Variants in TLN1 observed in about 807,000 individuals in gnomAD.
TLN1 encodes the protein talin 1.
A neutral mutation model predicts 292.3 loss-of-function variants in TLN1; 56 were observed. The ratio of observed to expected loss-of-function variants is 0.19; its 90% CI spans 0.15 to 0.24. The LOEUF (loss-of-function observed/expected upper bound fraction) is 0.24. Among genes scored for constraint, TLN1 ranks in the 10% least tolerant of loss-of-function variants. TLN1 has a pLI of 1.00. For synonymous variants in TLN1, 1,119 were observed against 1,253.7 expected, an observed-to-expected ratio of 0.89 and a Z score of 2.27; for missense variants, 2,433 against 3,248.2, an observed-to-expected ratio of 0.75 and a Z score of 6.10.
intron 10 of TLN1, 102 bp from the exon 11 acceptor site, chr9:35,721,015 CG>C (rs2131903819): frequency 1.3e-6 from 1 of 798,432 alleles, no homozygotes; most frequent in South Asian, 1.6e-5. Flanking sequence ...GATGCCTTCC[CG>C]TGGCAACGGC....
In TLN1 at chr9:35,724,481, G is replaced by A. The variant is rs1205345859; in HGVS notation, c.511+91C>T. The A allele has an allele frequency of 6.4e-7, 1 of 1,566,204 alleles. No individual in the cohort carries two copies. The highest frequency in any genetic ancestry group is 1.4e-5 in the African/African-American group (1 of 73,390). ...TTGTTTTCTCACTGATGTATCCCCA[G>A]GGTGTAAAACAGTGCCTGGCAGAAG... On this transcript the variant is annotated intron_variant, in intron 5 of 56. Coordinates refer to ENST00000314888, the MANE Select transcript of TLN1 (RefSeq NM_006289.4). This position sits in a 1 kb window ranked among gnomAD's most constrained non-coding sequence, Gnocchi z 4.7.
chr9:35,716,408 C>T lies in TLN1; in HGVS notation c.2607G>A (p.Lys869=). 1 of 1,614,228 alleles carries T rather than the reference C, an allele frequency of 6.2e-7. No individual in the cohort carries two copies. Among genetic ancestry groups the T allele is most frequent in the Admixed American group, 1.7e-5 (1 of 60,026 alleles). ...TTTGTACCTTGGCAGCCTCTACCAT[C>T]TTGGCTGTGGCATCAGCTAGGATCT... The part of the protein sequence containing the change: ...AAKILADATA[K]MVEAAKGAAA... Residue 869 remains lysine (K), a synonymous_variant, in exon 20 of 57, where the codon AAG becomes AAA. Transcript: ENST00000314888.
chr9:35,724,414 T>C lies in TLN1; in HGVS notation c.512-80A>G, dbSNP rs1825931701. ...GGTCTCTGTTTATTTCTGCATTTCC[T>C]ACCTCCCCTCACTTAAATGTAAGTC... On this transcript the variant is annotated intron_variant, in intron 5 of 56. Coordinates refer to ENST00000314888, the MANE Select transcript of TLN1 (RefSeq NM_006289.4). The surrounding 1 kb of genome is among the most constrained non-coding windows in gnomAD (Gnocchi z 4.7). 1 of 1,589,014 alleles carries C rather than the reference T, an allele frequency of 6.3e-7. No homozygotes were observed. Among genetic ancestry groups the C allele is most frequent in the Non-Finnish European group, 8.6e-7 (1 of 1,161,400 alleles).
chr9:35,728,392 G>A (rs777318690), intron 1 of TLN1, among the ~76,000 whole-genome samples: 1 of 152,152 alleles, frequency 6.6e-6, no homozygotes, highest in Non-Finnish European at 1.5e-5. Flanking sequence ...CGCTGGCAGT[G>A]GGGGAGGGCT....
rs768240057 is a variant in TLN1, at chr9:35,697,744, C to T, written c.*47G>A. 6.2e-7 allele frequency: 1 copy of T among 1,605,340 alleles called. No homozygotes were observed. Among genetic ancestry groups the T allele is most frequent in the South Asian group, 1.1e-5 (1 of 90,206 alleles). On this transcript the variant is annotated 3_prime_UTR_variant, in exon 57 of 57. Transcript: ENST00000314888. Reference sequence around the variant, plus strand: ...ACAGCCCAGAAGGCTTTGGTAGTGGCACGCACAGTCTCTGGGCCGGGTCTG... The same window carrying T: ...ACAGCCCAGAAGGCTTTGGTAGTGGTACGCACAGTCTCTGGGCCGGGTCTG...
In TLN1 at chr9:35,719,710, C is replaced by A. The variant is rs1312180075; in HGVS notation, c.1578+30G>T. 2 of 1,610,096 alleles carry A rather than the reference C, an allele frequency of 1.2e-6. No homozygotes were observed. The highest frequency in any genetic ancestry group is 1.7e-6 in the Non-Finnish European group (2 of 1,177,442). Reference sequence around the variant, plus strand: ...ATCCCTTGGAGTCTCAGCTTCAGTACCACCGGCCTCTCCTCCATCCCATAC... The same window carrying A: ...ATCCCTTGGAGTCTCAGCTTCAGTAACACCGGCCTCTCCTCCATCCCATAC... On this transcript the variant is annotated intron_variant, in intron 14 of 56. Transcript: ENST00000314888. The surrounding 1 kb of genome is among the most constrained non-coding windows in gnomAD (Gnocchi z 4.6).
chr9:35,710,265 A>C (rs934214269), intron 33 of TLN1, among the ~76,000 whole-genome samples: 1 of 151,980 alleles, frequency 6.6e-6, no homozygotes, highest in Non-Finnish European at 1.5e-5. Flanking sequence ...TAACATGAAA[A>C]AATAGTTTGT....
At chr9:35,728,185 G>A (rs1463139744) in intron 1 of TLN1, among the ~76,000 whole-genome samples, 1 of 152,212 alleles carries the variant, frequency 6.6e-6, no homozygotes, top group Non-Finnish European at 1.5e-5. Flanking sequence ...GCAAGGAATG[G>A]AATGTAAGAG....
intron 11 of TLN1, 45 bp from the exon 12 acceptor site, chr9:35,720,554 A>C: frequency 6.3e-7 from 1 of 1,587,710 alleles, no homozygotes; most frequent in African/African-American, 1.3e-5. Flanking sequence ...GTTAAAGAAG[A>C]GGGAAGTGGA....
In TLN1 at chr9:35,698,099, T is replaced by G. The variant is rs759375838; in HGVS notation, c.7445A>C (p.Glu2482Ala). Residue 2482 changes from glutamate to alanine, a missense_variant, in exon 56 of 57, where the codon GAG (glutamate) becomes GCG (alanine). This residue lies in a region of TLN1 where 141 missense variants were observed against 248.5 expected (regional missense o/e 0.57). Transcript: ENST00000314888. The surrounding 1 kb of genome is among the most constrained non-coding windows in gnomAD (Gnocchi z 5.3). The part of the protein sequence containing the change: ...KAAQKAAAFE[E>A]QENETVVVKE... Reference sequence around the variant, plus strand: ...CACCACCACTGTCTCATTCTCCTGCTCTTCAAAGGCTGCAGCCTTCTGTGC... The same window carrying G: ...CACCACCACTGTCTCATTCTCCTGCGCTTCAAAGGCTGCAGCCTTCTGTGC... 6.2e-7 allele frequency: 1 copy of G among 1,614,138 alleles called. No homozygotes were observed. The highest frequency in any genetic ancestry group is 1.1e-5 in the South Asian group (1 of 91,090).
At position 35,707,611 on chromosome 9, in the gene TLN1, T is replaced by C. The variant is rs780087519; in HGVS notation, c.4632+120A>G. On this transcript the variant is annotated intron_variant, in intron 35 of 56. Transcript: ENST00000314888. This position sits in a 1 kb window ranked among gnomAD's most constrained non-coding sequence, Gnocchi z 5.6. ...GGAGAGGCTAGGTGGTCAGTCTGAA[T>C]AGAAAGAGCTTGGGCTCAGGCAGAG... The C allele has an allele frequency of 6.3e-7, 1 of 1,577,292 alleles. No individual in the cohort carries two copies. Among genetic ancestry groups the C allele is most frequent in the Non-Finnish European group, 8.6e-7 (1 of 1,157,670 alleles).
At position 35,724,820 on chromosome 9, in the gene TLN1, G is replaced by A. The variant is rs1218560349; in HGVS notation, c.358+10C>T. On this transcript the variant is annotated intron_variant, in intron 4 of 56. Transcript: ENST00000314888. This position sits in a 1 kb window ranked among gnomAD's most constrained non-coding sequence, Gnocchi z 4.7. ...TGGCCCAGGCTTTCAACTGTACTAGGGCCCCTTACCAATGCGGGCACAGAT... is the reference window on the plus strand; with the variant it reads ...TGGCCCAGGCTTTCAACTGTACTAGAGCCCCTTACCAATGCGGGCACAGAT... The A allele has an allele frequency of 6.2e-7, 1 of 1,613,998 alleles. No individual in the cohort carries two copies. Among genetic ancestry groups the A allele is most frequent in the Admixed American group, 1.7e-5 (1 of 60,018 alleles).
At chr9:35,723,648 G>A (rs1389973157) in intron 7 of TLN1, 2 of 333,998 alleles carry the variant, frequency 6.0e-6, no homozygotes, top group African/African-American at 4.4e-5. Flanking sequence ...GTTCCCTATA[G>A]GGAAAATTTT....
At position 35,716,445 on chromosome 9, in the gene TLN1, A is replaced by G; in HGVS notation, c.2570T>C (p.Leu857Ser). 1.2e-6 allele frequency: 2 copies of G among 1,614,192 alleles called. No homozygotes were observed. Among genetic ancestry groups the G allele is most frequent in the Non-Finnish European group, 8.5e-7 (1 of 1,180,034 alleles). The change falls in exon 20 of 57, where the codon TTA becomes TCA. Residue 857 changes from leucine to serine, a missense_variant. By Grantham distance (145) the Leu-to-Ser change is moderately radical (BLOSUM62 -2). This residue lies in a region of TLN1 where 617 missense variants were observed against 770.6 expected (regional missense o/e 0.80). Transcript: ENST00000314888. The part of the protein sequence containing the change: ...ESDLENSRKL[L>S]SAAKILADAT... The stretch of plus-strand genomic sequence containing the variant: ...ATCAGCTAGGATCTTGGCAGCACTT[A>G]AGAGCTTGCGGGAGTTCTCCAGATC...
At chr9:35,713,065 G>A in intron 26 of TLN1, 22 bp from the exon 27 acceptor site, 1 of 1,584,784 alleles carries the variant, frequency 6.3e-7, no homozygotes, top group Non-Finnish European at 8.6e-7. Flanking sequence ...AGGAGAAAGA[G>A]GGAAGGGAAG....
intron 27 of TLN1, 29 bp downstream of exon 27, chr9:35,712,806 G>A (rs1486845997): frequency 6.5e-7 from 1 of 1,536,958 alleles, no homozygotes; most frequent in South Asian, 1.2e-5. Context: ...ACCTGGGGGA[G>A]AGGGAGTGGC....
chr9:35,727,842 G>A (rs1238439289), intron 1 of TLN1, among the ~76,000 whole-genome samples: 1 of 152,120 alleles, frequency 6.6e-6, no homozygotes, highest in Non-Finnish European at 1.5e-5. Flanking sequence ...CCCGATAAGG[G>A]AGCTGAGTCA....
rs746931589 is a variant in TLN1 at position 35,724,117 on chromosome 9, G to A, written c.655-38C>T. 1.2e-6 allele frequency: 2 copies of A among 1,612,558 alleles called. No individual in the cohort carries two copies. Among genetic ancestry groups the A allele is most frequent in the East Asian group, 2.2e-5 (1 of 44,842 alleles). ...GGGCAAGGAGGCGAATGTTGTGTGT[G>A]GGTGCAAGGACACGCACACTGTGCT... On this transcript the variant is annotated intron_variant, in intron 6 of 56. Coordinates refer to ENST00000314888, the MANE Select transcript of TLN1 (RefSeq NM_006289.4). This position sits in a 1 kb window ranked among gnomAD's most constrained non-coding sequence, Gnocchi z 4.7.
At chr9:35,716,602 G>A (rs554417430) in intron 19 of TLN1, 46 bp from the exon 20 acceptor site, 3 of 1,596,208 alleles carry the variant, frequency 1.9e-6, no homozygotes, top group South Asian at 1.1e-5. Flanking sequence ...GAGACACTGA[G>A]GTGTCAGGGG....
Sources: gnomAD v4.1 joint callset for allele counts (sites outside exome capture counted in the v4.1 genomes callset) on GRCh38, gnomAD v4.1.1 for gene constraint, gnomAD v4.1.1 regional missense constraint, Gnocchi (gnomAD v3.1) non-coding constraint, MANE v1.5 for transcripts, NCBI Gene and HGNC (gene_info 2026-07-23, HGNC 2026-07-21) for gene names.